The following SPG11 variants were observed in gnomAD, a reference collection of about 807,000 sequenced individuals.
SPG11 encodes SPG11 vesicle trafficking associated, spatacsin.
SPG11 carries 222 observed loss-of-function variants against 274.0 expected under a neutral mutation model. The observed-to-expected ratio is 0.81, with a 90% CI of 0.73 to 0.91. The LOEUF is 0.91. Ranked by LOEUF, SPG11 falls within the 40% of genes least tolerant of loss-of-function variation. The probability of loss-of-function intolerance (pLI) is 0.00; values close to 1 mark genes in which losing one functional copy is unlikely to be tolerated. For synonymous variants in SPG11, 1,144 were observed against 1,039.7 expected (o/e 1.10, Z -1.93); for missense variants, 3,114 against 2,872.7 (o/e 1.08, Z -1.92).
At chr15:44,648,512 CAAAAA>C (rs57643988) in intron 7 of SPG11, among the ~76,000 whole-genome samples, 5 of 54,204 alleles carry the variant, frequency 9.2e-5, no homozygotes, top group Non-Finnish European at 1.7e-4. Context: ...CACCCTGTGT[CAAAAA>C]AAAAAAAAAA....
chr15:44,604,180 C>T, intron 20 of SPG11: 1 of 433,446 alleles, frequency 2.3e-6, no homozygotes, highest in Non-Finnish European at 4.6e-6. Context: ...AAGGACTTTT[C>T]ACATTGTGAC....
intron 7 of SPG11, among the ~76,000 whole-genome samples, chr15:44,643,794 T>C (rs1199280791): frequency 1.3e-5 from 2 of 151,784 alleles, no homozygotes; most frequent in Non-Finnish European, 2.9e-5. Flanking sequence ...GAGGCCAGCA[T>C]CATTCTGATA....
At chr15:44,565,792 T>C (rs992962812) in intron 38 of SPG11, 62 bp downstream of exon 38, 6 of 1,602,724 alleles carry the variant, frequency 3.7e-6, no homozygotes, top group African/African-American at 1.3e-5. Flanking sequence ...CTGGGTTCCA[T>C]GAGTGGGACA....
rs1173485178 is a variant in SPG11, at chr15:44,620,197, G to A, written c.2827C>T (p.Leu943=). Residue 943 remains leucine, a synonymous_variant, in exon 15 of 40, where the codon CTG becomes TTG. Coordinates refer to ENST00000261866, the MANE Select transcript of SPG11 (RefSeq NM_025137.4). ...NYMRNEILDK[L]ARNGVFLASE... ...GTTCAACAGTTATAATACCTGGCCA[G>A]CTTATCTAAAATTTCATTCCTCATG... 1 of 1,612,456 alleles carries A rather than the reference G, an allele frequency of 6.2e-7. No homozygotes were observed. The highest frequency in any genetic ancestry group is 8.5e-7 in the Non-Finnish European group (1 of 1,178,780).
chr15:44,587,709 A>AAAAAAACAAAAAAC (rs1418479684), intron 28 of SPG11, among the ~76,000 whole-genome samples: 13 of 150,994 alleles, frequency 8.6e-5, no homozygotes, highest in African/African-American at 3.2e-4. Context: ...AAAAAAAAAA[A>AAAAAAACAAAAAAC]AAAAAAAAAA....
In SPG11 at chr15:44,663,661, T is replaced by C; in HGVS notation, c.-14A>G. The C allele has an allele frequency of 1.3e-6, 2 of 1,586,402 alleles. No individual in the cohort carries two copies. Among genetic ancestry groups the C allele is most frequent in the Non-Finnish European group, 1.7e-6 (2 of 1,173,076 alleles). ...CTCTGCAGCCATCTTGGCCCGGCGG[T>C]TACTTCCGGTCACTTTCGCCGGAAC... On this transcript the variant is annotated 5_prime_UTR_variant, in exon 1 of 40. Transcript: ENST00000261866.
intron 31 of SPG11, 36 bp downstream of exon 31, chr15:44,574,866 C>T (rs1340210019): frequency 2.4e-5 from 39 of 1,612,860 alleles, no homozygotes; most frequent in Non-Finnish European, 3.3e-5. Context: ...ATTTCCCTCC[C>T]TCTCAGAAAG....
intron 17 of SPG11, among the ~76,000 whole-genome samples, chr15:44,612,945 C>T (rs146699953): frequency 1.1e-4 from 17 of 152,256 alleles, no homozygotes; most frequent in African/African-American, 4.1e-4. Flanking sequence ...GGGTAAGAAG[C>T]CTTTTCTGTC....
chr15:44,605,413 T>C (rs973434862), intron 20 of SPG11, among the ~76,000 whole-genome samples: 1 of 152,176 alleles, frequency 6.6e-6, no homozygotes, highest in African/African-American at 2.4e-5. Flanking sequence ...AAAGTACTAA[T>C]GCAAAGCCTA....
At chr15:44,644,243 A>T (rs2084541939) in intron 7 of SPG11, among the ~76,000 whole-genome samples, 1 of 152,140 alleles carries the variant, frequency 6.6e-6, no homozygotes, top group Non-Finnish European at 1.5e-5. Context: ...AATCCAACAG[A>T]ATCAAGTAGG....
intron 4 of SPG11, among the ~76,000 whole-genome samples, chr15:44,654,506 T>C (rs956010383): frequency 1.3e-5 from 2 of 148,398 alleles, no homozygotes; most frequent in Non-Finnish European, 3.0e-5. Flanking sequence ...AGACTCCATC[T>C]CAAAATTAAA....
intron 7 of SPG11, among the ~76,000 whole-genome samples, chr15:44,637,253 T>C (rs1018342873): frequency 1.3e-5 from 2 of 152,174 alleles, no homozygotes; most frequent in African/African-American, 4.8e-5. Flanking sequence ...TTGAGCAAAG[T>C]GTCAACAGTC....
intron 17 of SPG11, among the ~76,000 whole-genome samples, chr15:44,612,546 A>T (rs1208434984): frequency 6.6e-6 from 1 of 152,104 alleles, no homozygotes; most frequent in African/African-American, 2.4e-5. Flanking sequence ...CTACAGGAGC[A>T]TGCCACCACA....
In SPG11 at chr15:44,631,534, G is replaced by A. The variant is rs575647890; in HGVS notation, c.1735+1971C>T. On this transcript the variant is annotated intron_variant, in intron 8 of 39. Coordinates refer to ENST00000261866, the MANE Select transcript of SPG11 (RefSeq NM_025137.4). ...AGGGGTTGGCTTTATAGACATGGAA[G>A]AGCTGAAGAAAGCAGAAGCAAAGAA... Among the ~76,000 whole-genome samples, 40 of 152,190 alleles carry A rather than the reference G, an allele frequency of 2.6e-4. No homozygotes were observed. The South Asian group carries it at 8.3e-3, about 32-fold the overall frequency.
intron 6 of SPG11, 129 bp from the exon 7 acceptor site, chr15:44,649,140 C>A: frequency 1.3e-6 from 1 of 752,646 alleles, no homozygotes; most frequent in South Asian, 1.7e-5. Context: ...TACTGGATAT[C>A]ATGTACTATA....
intron 3 of SPG11, among the ~76,000 whole-genome samples, chr15:44,658,624 A>G (rs2085008690): frequency 6.6e-6 from 1 of 151,936 alleles, no homozygotes; most frequent in Non-Finnish European, 1.5e-5. Flanking sequence ...ACGCCTGGCT[A>G]ATTTTTTTGT....
rs898111043 is a variant in SPG11 at position 44,639,442 on chromosome 15, G to A, written c.1603-5805C>T. On this transcript the variant is annotated intron_variant, in intron 7 of 39. Coordinates refer to ENST00000261866, the MANE Select transcript of SPG11 (RefSeq NM_025137.4). ...GTGGTAGCTAGGCGTGGTGGTTCAC[G>A]CCCGTAATCCCAGCACTTCTGAAGG... is the stretch of plus-strand genomic sequence containing the variant. 6.6e-5 allele frequency among the ~76,000 whole-genome samples: 10 copies of A among 152,194 alleles called. No individual in the cohort carries two copies. In the East Asian group the frequency reaches 1.7e-3, roughly 26 times the overall value.
In SPG11 at chr15:44,563,204, C is replaced by T. The variant is rs371313584; in HGVS notation, c.7249G>A (p.Glu2417Lys). 82 of 1,614,082 alleles carry T rather than the reference C, an allele frequency of 5.1e-5. No individual in the cohort carries two copies. Among genetic ancestry groups the T allele is most frequent in the Non-Finnish European group, 5.6e-5 (66 of 1,179,984 alleles). Residue 2417 changes from glutamate to lysine, a missense_variant, in exon 40 of 40, where the codon GAA becomes AAA. Glu to Lys is a moderately conservative substitution (Grantham distance 56). Transcript: ENST00000261866. Reference protein sequence around the residue: ...DVYLYYKLAYEHKFYEIVNVL... With the variant: ...DVYLYYKLAYKHKFYEIVNVL... ...TTTACAATTTCATAAAACTTGTGTTCGTATGCCAACTTGTAATACAGGTAA... is the reference window on the plus strand; with the variant it reads ...TTTACAATTTCATAAAACTTGTGTTTGTATGCCAACTTGTAATACAGGTAA...
At chr15:44,634,278 A>C (rs1187774126) in intron 7 of SPG11, among the ~76,000 whole-genome samples, 1 of 152,114 alleles carries the variant, frequency 6.6e-6, no homozygotes, top group African/African-American at 2.4e-5. Flanking sequence ...TTGAATTAAA[A>C]TGTTATGGCA....
Sources: gnomAD v4.1 joint callset for allele counts (sites outside exome capture counted in the v4.1 genomes callset) on GRCh38, gnomAD v4.1.1 for gene constraint, MANE v1.5 for transcripts, NCBI Gene and HGNC (gene_info 2026-07-23, HGNC 2026-07-21) for gene names.